The following PDE8B variants were observed in gnomAD, a reference collection of about 807,000 sequenced individuals.
The protein encoded by PDE8B is high affinity cAMP-specific and IBMX-insensitive 3',5'-cyclic phosphodiesterase 8B.
A neutral mutation model predicts 101.3 loss-of-function variants in PDE8B; 26 were observed. That is an observed-to-expected ratio of 0.26 (90% confidence interval 0.19 to 0.36). The LOEUF is 0.36. PDE8B is among the 10% of genes least tolerant of loss of function. The pLI is 1.00. For missense variants in PDE8B, 810 were observed against 1,163.1 expected, an observed-to-expected ratio of 0.70 and a Z score of 4.42; for synonymous variants, 424 against 429.3, an observed-to-expected ratio of 0.99 and a Z score of 0.15.
chr5:77,426,259 AGC>A (rs1798115619), intron 21 of PDE8B, 184 bp from the exon 22 acceptor site: 5 of 636,614 alleles, frequency 7.9e-6, no homozygotes, highest in Non-Finnish European at 1.4e-5. Context: ...GTCACTGATA[AGC>A]AGCTTTTCAA....
At chr5:77,328,794 A>G (rs947644799) in intron 3 of PDE8B, among the ~76,000 whole-genome samples, 3 of 152,194 alleles carry the variant, frequency 2.0e-5, no homozygotes, top group African/African-American at 7.2e-5. Flanking sequence ...CCTGGGAGTT[A>G]AGAGAAAAAA....
At chr5:77,260,157 C>CAAAAA (rs66923234) in intron 1 of PDE8B, among the ~76,000 whole-genome samples, 1 of 100,980 alleles carries the variant, frequency 9.9e-6, no homozygotes, top group African/African-American at 3.7e-5. Flanking sequence ...AACTCCATCA[C>CAAAAA]AAAAAAAAAA....
rs2151259107 is a variant in PDE8B at position 77,427,027 on chromosome 5, AG to A, written c.*474del. On this transcript the variant is annotated 3_prime_UTR_variant, in exon 22 of 22. Transcript: ENST00000264917. ...GGATTCATAAGGAGCTTATCTGAAC[AG>A]ATTTATCTAAGAAAAAAAAAAAACG... 6.7e-6 allele frequency: 1 copy of A among 149,218 alleles called. No individual in the cohort carries two copies. The highest frequency in any genetic ancestry group is 2.2e-4 in the South Asian group (1 of 4,568). The allele number at this position is 149,218 out of a possible 1,614,324, so 9.2% of individuals were successfully genotyped here.
chr5:77,411,559 G>T, intron 14 of PDE8B, 117 bp from the exon 15 acceptor site: 2 of 788,486 alleles, frequency 2.5e-6, no homozygotes, highest in South Asian at 3.0e-5. Flanking sequence ...CTTCAACTTA[G>T]ACTTCCAGAT....
At chr5:77,279,722 G>C (rs966931946) in intron 1 of PDE8B, among the ~76,000 whole-genome samples, 1 of 152,070 alleles carries the variant, frequency 6.6e-6, no homozygotes, top group African/African-American at 2.4e-5. Flanking sequence ...ACAAAGGTGG[G>C]GTCTGAATAC....
intron 1 of PDE8B, among the ~76,000 whole-genome samples, chr5:77,243,357 AG>A (rs1379375579): frequency 2.0e-5 from 3 of 152,192 alleles, no homozygotes; most frequent in African/African-American, 7.2e-5. Flanking sequence ...GCTTTATTGG[AG>A]TATGCTTTAT....
chr5:77,210,456 G>T, upstream of PDE8B: 1 of 212,084 alleles, frequency 4.7e-6, no homozygotes, highest in South Asian at 1.5e-4. The surrounding 1 kb of genome is among the most constrained non-coding windows in gnomAD (Gnocchi z 4.9). Context: ...GGGAGCGAGG[G>T]AGGGAGGGGA....
At chr5:77,133,011 C>A in the PDE8B span, among the ~76,000 whole-genome samples, 2 of 152,234 alleles carry the variant, frequency 1.3e-5, no homozygotes, top group African/African-American at 4.8e-5. Flanking sequence ...CATTCACAAT[C>A]CTTTGTATCT....
chr5:77,329,054 G>A lies in PDE8B; in HGVS notation c.647G>A (p.Arg216Gln), dbSNP rs754217682. Reference sequence around the variant, plus strand: ...ACGGTGATCCTCGCAGTGGTTTCGCGAGTGTAAGTGCACCTCCCATTCCCA... The same window carrying A: ...ACGGTGATCCTCGCAGTGGTTTCGCAAGTGTAAGTGCACCTCCCATTCCCA... ...EHTVILAVVS[R>Q]VSDDHEEASV... The change falls in exon 4 of 22, where the codon CGA becomes CAA. Residue 216 changes from arginine to glutamine, a missense_variant. Transcript: ENST00000264917. 19 of 1,611,910 alleles carry A rather than the reference G, an allele frequency of 1.2e-5. No homozygotes were observed. Among genetic ancestry groups the A allele is most frequent in the African/African-American group, 4.0e-5 (3 of 74,876 alleles).
intron 1 of PDE8B, among the ~76,000 whole-genome samples, chr5:77,212,230 G>GA (rs577321579): frequency 4.6e-5 from 7 of 151,974 alleles, no homozygotes; most frequent in Admixed American, 1.3e-4. Context: ...TGTACAGAGA[G>GA]AAAAAAATAC....
At chr5:77,129,767 A>G in the PDE8B span, among the ~76,000 whole-genome samples, 1 of 152,094 alleles carries the variant, frequency 6.6e-6, no homozygotes, top group Non-Finnish European at 1.5e-5. Context: ...CTCTGGCATT[A>G]CTGTCTGTAG....
At chr5:77,111,219 A>G in the PDE8B span, among the ~76,000 whole-genome samples, 1 of 152,304 alleles carries the variant, frequency 6.6e-6, no homozygotes, top group South Asian at 2.1e-4. Flanking sequence ...AGCAATAGAA[A>G]TGAGAGGTAT....
At chr5:77,288,400 A>T (rs1040582451) in intron 1 of PDE8B, among the ~76,000 whole-genome samples, 2 of 152,198 alleles carry the variant, frequency 1.3e-5, no homozygotes, top group Non-Finnish European at 2.9e-5. Context: ...TCTCTCGCAG[A>T]TCTTGGTCTG....
At chr5:77,299,235 G>A (rs1344857671) in intron 1 of PDE8B, among the ~76,000 whole-genome samples, 1 of 140,312 alleles carries the variant, frequency 7.1e-6, no homozygotes, top group Non-Finnish European at 1.5e-5. Flanking sequence ...GAACATGAGA[G>A]TTGTTTTTTT....
the PDE8B span, among the ~76,000 whole-genome samples, chr5:77,160,456 G>A: frequency 6.6e-6 from 1 of 152,220 alleles, no homozygotes; most frequent in South Asian, 2.1e-4. Flanking sequence ...CCACGTGTAA[G>A]TGGAACTGCA....
At chr5:77,394,756 A>G (rs1420116005) in intron 10 of PDE8B, among the ~76,000 whole-genome samples, 2 of 152,170 alleles carry the variant, frequency 1.3e-5, no homozygotes, top group African/African-American at 4.8e-5. Context: ...TAATTCCATC[A>G]GCCCTTACAT....
At chr5:77,107,613 G>A in the PDE8B span, among the ~76,000 whole-genome samples, 97 of 152,098 alleles carry the variant, frequency 6.4e-4, no homozygotes, top group African/African-American at 2.3e-3. Context: ...CTTAGGGAGA[G>A]GTATTCAGTC....
At chr5:77,212,638 A>T (rs2149381805) in intron 1 of PDE8B, among the ~76,000 whole-genome samples, 1 of 152,332 alleles carries the variant, frequency 6.6e-6, no homozygotes, top group East Asian at 1.9e-4. Context: ...ATCTTAGCAT[A>T]GCATGTCTGA....
chr5:77,095,473 A>G, the PDE8B span, among the ~76,000 whole-genome samples: 1 of 152,162 alleles, frequency 6.6e-6, no homozygotes, highest in Admixed American at 6.5e-5. Flanking sequence ...TGCACAGCTG[A>G]TCTGAGCACA....
Sources: allele counts gnomAD v4.1 joint callset (sites outside exome capture counted in the v4.1 genomes callset), GRCh38; gene constraint gnomAD v4.1.1; non-coding constraint Gnocchi (gnomAD v3.1); transcripts MANE v1.5; gene names NCBI Gene and HGNC (gene_info 2026-07-23, HGNC 2026-07-21).